The following TVP23C variants were observed in gnomAD, a reference collection of about 807,000 sequenced individuals.
TVP23C encodes trans-golgi network vesicle protein 23 homolog C.
Under a neutral mutation model 28.7 loss-of-function variants are expected in TVP23C, and 19 were observed. The observed-to-expected ratio is 0.66, with a 90% confidence interval of 0.46 to 0.97. The LOEUF (loss-of-function observed/expected upper bound fraction) is 0.97, where lower values mean the gene tolerates loss of function less well. Among genes scored for constraint, TVP23C ranks in the 50% least tolerant of loss-of-function variants. TVP23C has a pLI of 0.00. For synonymous variants in TVP23C, 68 were observed against 81.7 expected, an observed-to-expected ratio of 0.83 and a Z score of 0.90; for missense variants, 186 against 241.3, an observed-to-expected ratio of 0.77 and a Z score of 1.52.
intron 5 of TVP23C, chr17:15,506,960 C>A (rs957455930): frequency 2.5e-6 from 3 of 1,224,034 alleles, no homozygotes; most frequent in Non-Finnish European, 3.5e-6. Flanking sequence ...ATTCCAAAGA[C>A]GGCAGAAAAC....
intron 5 of TVP23C, among the ~76,000 whole-genome samples, chr17:15,543,681 G>A (rs1983520268): frequency 6.6e-6 from 1 of 150,460 alleles, no homozygotes; most frequent in Non-Finnish European, 1.5e-5. Flanking sequence ...ATCCCCTACT[G>A]TATTTTTTAC....
intron 5 of TVP23C, among the ~76,000 whole-genome samples, chr17:15,508,642 G>A (rs778820267): frequency 6.6e-6 from 1 of 152,196 alleles, no homozygotes; most frequent in Non-Finnish European, 1.5e-5. Context: ...CCACCTTACT[G>A]AGTCACGCAT....
chr17:15,534,829 G>A (rs546416584), downstream of TVP23C, among the ~76,000 whole-genome samples: 9 of 151,090 alleles, frequency 6.0e-5, no homozygotes, highest in African/African-American at 1.5e-4. Flanking sequence ...TTAGCCGGGC[G>A]TGGTGGTGGG....
intron 5 of TVP23C, among the ~76,000 whole-genome samples, chr17:15,521,269 T>A (rs984067812): frequency 3.3e-5 from 5 of 151,966 alleles, no homozygotes; most frequent in African/African-American, 1.2e-4. Flanking sequence ...GTTTGGGAGG[T>A]TGAGGCAGGC....
At chr17:15,546,960 T>C (rs970320510) in intron 4 of TVP23C, 99 bp downstream of exon 4, 31 of 1,050,206 alleles carry the variant, frequency 3.0e-5, no homozygotes, top group East Asian at 2.7e-4. Context: ...TGATTTGGTA[T>C]AGTGTTTTTA....
intron 5 of TVP23C, among the ~76,000 whole-genome samples, chr17:15,515,575 G>C (rs1453002247): frequency 6.6e-6 from 1 of 152,206 alleles, no homozygotes; most frequent in Non-Finnish European, 1.5e-5. Context: ...TCAGAGGAGA[G>C]TGCAAATACG....
chr17:15,555,218 A>G, intron 2 of TVP23C, 64 bp downstream of exon 2: 7 of 1,606,582 alleles, frequency 4.4e-6, no homozygotes, highest in Non-Finnish European at 6.0e-6. Flanking sequence ...CCCATCAGCT[A>G]GCACTGACAT....
intron 5 of TVP23C, among the ~76,000 whole-genome samples, chr17:15,522,219 T>C (rs1022468615): frequency 1.3e-5 from 2 of 152,196 alleles, no homozygotes; most frequent in African/African-American, 2.4e-5. Flanking sequence ...TAAGAGACTA[T>C]ATAGGAGAAA....
chr17:15,503,903 G>A (rs552437315), intron 5 of TVP23C, among the ~76,000 whole-genome samples: 1 of 152,088 alleles, frequency 6.6e-6, no homozygotes, highest in Non-Finnish European at 1.5e-5. Flanking sequence ...CAGCCTTTTG[G>A]GAGGGGGAAT....
At chr17:15,557,919 C>T (rs1984206901) in intron 1 of TVP23C, among the ~76,000 whole-genome samples, 1 of 145,788 alleles carries the variant, frequency 6.9e-6, no homozygotes, top group Non-Finnish European at 1.5e-5. Flanking sequence ...GGTCAAGTAG[C>T]TCATGCAGTA....
chr17:15,502,918 G>C lies in TVP23C; in HGVS notation c.777C>G (p.Ser259Arg), dbSNP rs764854084. 4 of 1,612,144 alleles carry C rather than the reference G, an allele frequency of 2.5e-6. No individual in the cohort carries two copies. The South Asian group carries it at 4.4e-5, about 18-fold the overall frequency. The change falls in exon 6 of 6, where the codon AGC (serine) becomes AGG (arginine). Residue 259 changes from serine (S) to arginine (R), a missense_variant. By Grantham distance (110) the Ser-to-Arg change is moderately radical. Transcript: ENST00000225576. ...TTGGCCCGGGCTCACCAGTTCCTCT[G>C]CTATTGGGACTCTCCCCACCTCCCC... is the stretch of plus-strand genomic sequence containing the variant.
exon 6 of TVP23C, chr17:15,502,739 T>C (rs1981510515): frequency 5.0e-6 from 5 of 993,030 alleles, no homozygotes; most frequent in Non-Finnish European, 6.7e-6. Context: ...TCTTTCTCTC[T>C]CCTCTCTCCC....
intron 1 of TVP23C, among the ~76,000 whole-genome samples, chr17:15,560,226 C>A (rs1984319084): frequency 6.7e-6 from 1 of 149,232 alleles, no homozygotes; most frequent in African/African-American, 2.4e-5. Flanking sequence ...CCACCACCCC[C>A]AGGTAATTTT....
intron 5 of TVP23C, among the ~76,000 whole-genome samples, chr17:15,523,840 C>T (rs571798349): frequency 2.1e-4 from 32 of 152,040 alleles, no homozygotes; most frequent in Admixed American, 7.9e-4. Context: ...GTCTCGATCT[C>T]CTGACCTCGT....
intron 5 of TVP23C, among the ~76,000 whole-genome samples, chr17:15,531,644 T>A (rs934480949): frequency 2.0e-5 from 3 of 152,234 alleles, no homozygotes; most frequent in African/African-American, 7.2e-5. Flanking sequence ...ACTTTGTTTA[T>A]ACATTATTTT....
At position 15,504,481 on chromosome 17, in the gene TVP23C, T is replaced by C. The variant is rs144532227; in HGVS notation, c.463-1249A>G. On this transcript the variant is annotated intron_variant, in intron 5 of 5. Transcript: ENST00000225576. ...AAGAGCTGCGCTTTGGATGGGTTTATTAAGAGTTGAGAGCGCGGAAGATGA... is the reference window on the plus strand; with the variant it reads ...AAGAGCTGCGCTTTGGATGGGTTTACTAAGAGTTGAGAGCGCGGAAGATGA... 1.4e-4 allele frequency among the ~76,000 whole-genome samples: 22 copies of C among 152,296 alleles called. No homozygotes were observed. The East Asian group carries it at 4.2e-3, about 29-fold the overall frequency.
At chr17:15,526,429 A>C (rs1362684198) in intron 5 of TVP23C, among the ~76,000 whole-genome samples, 1 of 152,198 alleles carries the variant, frequency 6.6e-6, no homozygotes, top group African/African-American at 2.4e-5. Context: ...GGGTTTGCCG[A>C]GATCAGGAAG....
chr17:15,512,939 T>TA (rs1344848812), intron 5 of TVP23C, among the ~76,000 whole-genome samples: 4 of 152,166 alleles, frequency 2.6e-5, no homozygotes, highest in Non-Finnish European at 5.9e-5. Flanking sequence ...TGTAGGACCT[T>TA]AGGCAAATCC....
chr17:15,538,764 T>G lies in TVP23C; in HGVS notation c.*1648A>C. ...AAGGTTTAATTTCACCTGTATTCCATGTTCCTCCCCACCTTCAGAAACACT... is the reference window on the plus strand; with the variant it reads ...AAGGTTTAATTTCACCTGTATTCCAGGTTCCTCCCCACCTTCAGAAACACT... On this transcript the variant is annotated 3_prime_UTR_variant, in exon 6 of 6. Transcript: ENST00000518321. The G allele has an allele frequency of 1.0e-6, 1 of 985,388 alleles. No homozygotes were observed. Among genetic ancestry groups the G allele is most frequent in the Non-Finnish European group, 1.2e-6 (1 of 829,930 alleles). The allele number at this position is 985,388 out of a possible 1,614,324, so 61.0% of individuals were successfully genotyped here.
Sources: gnomAD v4.1 joint callset for allele counts (sites outside exome capture counted in the v4.1 genomes callset) on GRCh38, gnomAD v4.1.1 for gene constraint, MANE v1.5 for transcripts, NCBI Gene and HGNC (gene_info 2026-07-23, HGNC 2026-07-21) for gene names.